SMAD2: variants seen among roughly 807,000 people sequenced by gnomAD.
SMAD2 encodes the protein MAD homolog 2.
In SMAD2, 8 loss-of-function variants were observed where a neutral mutation model predicts 64.4. That is an observed-to-expected ratio of 0.12 (90% CI 0.07 to 0.22). The LOEUF is 0.22. Ranked by LOEUF, SMAD2 falls within the 10% of genes least tolerant of loss-of-function variation. The pLI is 1.00. For missense variants in SMAD2, 289 were observed against 561.2 expected, an observed-to-expected ratio of 0.51 and a Z score of 4.90; for synonymous variants, 203 against 195.8, an observed-to-expected ratio of 1.04 and a Z score of -0.31.
In SMAD2 at chr18:47,832,507, G is replaced by A. The variant is rs1201776090; in HGVS notation, c.*9320C>T. The stretch of plus-strand genomic sequence containing the variant: ...TTAGCATTTGAGGTCCCTTTTTGTT[G>A]CATACTAAAGCATGTTTAAAATGGT... On this transcript the variant is annotated 3_prime_UTR_variant, in exon 11 of 11. Transcript: ENST00000262160. The A allele has an allele frequency of 6.6e-6, 1 of 152,116 alleles. No individual in the cohort carries two copies. Among genetic ancestry groups the A allele is most frequent in the Non-Finnish European group, 1.5e-5 (1 of 68,014 alleles). The allele number at this position is 152,116 out of a possible 1,614,324, so 9.4% of individuals were successfully genotyped here. A position where few individuals can be genotyped will look rare whatever the true frequency, so the allele number is the denominator to read the frequency against.
intron 2 of SMAD2, among the ~76,000 whole-genome samples, chr18:47,874,417 G>C (rs905533741): frequency 2.0e-5 from 3 of 152,136 alleles, no homozygotes; most frequent in Non-Finnish European, 2.9e-5. Flanking sequence ...CGCTAGGAAA[G>C]AGTATGAAAG....
intron 2 of SMAD2, among the ~76,000 whole-genome samples, chr18:47,884,520 A>G (rs886988024): frequency 5.3e-5 from 8 of 152,238 alleles, no homozygotes. Flanking sequence ...CTAAAACAAT[A>G]AAACTGGTAT....
intron 2 of SMAD2, among the ~76,000 whole-genome samples, chr18:47,891,099 G>A (rs945622502): frequency 8.5e-5 from 13 of 152,160 alleles, no homozygotes; most frequent in Admixed American, 2.0e-4. Flanking sequence ...GAGGTCAGGA[G>A]TTCGAAACCA....
Position 47,837,704 on chromosome 18 carries a change from G to T in SMAD2, c.*4123C>A. The T allele has an allele frequency of 4.3e-6, 1 of 232,408 alleles. No homozygotes were observed. Among genetic ancestry groups the T allele is most frequent in the Non-Finnish European group, 8.5e-6 (1 of 117,512 alleles). 14.4% of individuals were successfully genotyped at this position (232,408 alleles called of 1,614,324 possible). ...ATAGATTTAGCAAAGTAAAGCATAT[G>T]AAAGGAAGAAATGTTTGATATGTCT... On this transcript the variant is annotated 3_prime_UTR_variant, in exon 11 of 11. Coordinates refer to ENST00000262160, the MANE Select transcript of SMAD2 (RefSeq NM_005901.6).
chr18:47,874,383 A>T (rs1429000122), intron 2 of SMAD2, among the ~76,000 whole-genome samples: 1 of 152,190 alleles, frequency 6.6e-6, no homozygotes, highest in Non-Finnish European at 1.5e-5. Flanking sequence ...AGTGAAAAAC[A>T]ACAGTAATTG....
chr18:47,845,821 G>A (rs760882392), intron 8 of SMAD2, 21 bp from the exon 9 acceptor site: 106 of 1,609,616 alleles, frequency 6.6e-5, no homozygotes, highest in Non-Finnish European at 8.8e-5. Flanking sequence ...ATACAAATGA[G>A]ATTAGTTTTG....
At chr18:47,860,032 G>A (rs999878628) in intron 6 of SMAD2, among the ~76,000 whole-genome samples, 1 of 152,052 alleles carries the variant, frequency 6.6e-6, no homozygotes, top group Non-Finnish European at 1.5e-5. Flanking sequence ...CTTCTCGAGA[G>A]GCTAAAGTGG....
At chr18:47,894,203 T>C (rs554506624) in intron 2 of SMAD2, among the ~76,000 whole-genome samples, 1 of 152,318 alleles carries the variant, frequency 6.6e-6, no homozygotes, top group Admixed American at 6.5e-5. Flanking sequence ...TTGAGCCTTG[T>C]TGAAGTTGTG....
chr18:47,873,635 A>C (rs1438282658), intron 2 of SMAD2, among the ~76,000 whole-genome samples: 1 of 152,238 alleles, frequency 6.6e-6, no homozygotes, highest in Non-Finnish European at 1.5e-5. Context: ...GAGCAGCCTC[A>C]ATTAGGCTAA....
chr18:47,886,056 A>G (rs937427900), intron 2 of SMAD2, among the ~76,000 whole-genome samples: 1 of 152,212 alleles, frequency 6.6e-6, no homozygotes, highest in Non-Finnish European at 1.5e-5. Context: ...AGCGTCTCCA[A>G]ATTTTGGAGA....
intron 2 of SMAD2, among the ~76,000 whole-genome samples, chr18:47,879,923 T>C (rs1300753239): frequency 6.6e-6 from 1 of 152,148 alleles, no homozygotes; most frequent in Non-Finnish European, 1.5e-5. Context: ...CAATTGTCAT[T>C]TTCCTGAAGC....
intron 1 of SMAD2, among the ~76,000 whole-genome samples, chr18:47,921,777 G>T (rs1316264509): frequency 6.6e-6 from 1 of 152,152 alleles, no homozygotes; most frequent in Non-Finnish European, 1.5e-5. Context: ...AAAGTTGACT[G>T]ATTTTTCTAA....
At position 47,832,058 on chromosome 18, in the gene SMAD2, A is replaced by G. The variant is rs1913017859; in HGVS notation, c.*9769T>C. ...TTACATTGGATGACATCAGTTTGAT[A>G]CTGATGCCTGCTTCCTGCACTAAGA... On this transcript the variant is annotated 3_prime_UTR_variant, in exon 11 of 11. Coordinates refer to ENST00000262160, the MANE Select transcript of SMAD2 (RefSeq NM_005901.6). 6.6e-6 allele frequency: 1 copy of G among 152,218 alleles called. No homozygotes were observed. The highest frequency in any genetic ancestry group is 1.5e-5 in the Non-Finnish European group (1 of 68,040). 9.4% of individuals were successfully genotyped at this position (152,218 alleles called of 1,614,324 possible).
chr18:47,841,597 T>C lies in SMAD2; in HGVS notation c.*230A>G. The C allele has an allele frequency of 1.8e-6, 1 of 561,752 alleles. No homozygotes were observed. Among genetic ancestry groups the C allele is most frequent in the Non-Finnish European group, 3.2e-6 (1 of 313,754 alleles). 34.8% of individuals were successfully genotyped at this position (561,752 alleles called of 1,614,324 possible). Reference sequence around the variant, plus strand: ...GCCCAATAAGACATCATTAAGTCTTTAAAATCTTCTCTTCCTCTTTAATGG... The same window carrying C: ...GCCCAATAAGACATCATTAAGTCTTCAAAATCTTCTCTTCCTCTTTAATGG... On this transcript the variant is annotated 3_prime_UTR_variant, in exon 11 of 11. Coordinates refer to ENST00000262160, the MANE Select transcript of SMAD2 (RefSeq NM_005901.6).
chr18:47,857,047 C>T (rs1045649255), intron 6 of SMAD2, among the ~76,000 whole-genome samples: 2 of 151,640 alleles, frequency 1.3e-5, no homozygotes, highest in Non-Finnish European at 2.9e-5. Context: ...TTAGTAGAGA[C>T]GGGGTTTCAC....
intron 2 of SMAD2, 31 bp downstream of exon 2, chr18:47,896,490 T>TA: frequency 6.2e-7 from 1 of 1,611,048 alleles, no homozygotes; most frequent in Non-Finnish European, 8.5e-7. Flanking sequence ...TTGACATAAT[T>TA]TGATCAAACC....
At position 47,851,341 on chromosome 18, in the gene SMAD2, A is replaced by T. The variant is rs1429217224; in HGVS notation, c.731-14T>A. On this transcript the variant is annotated splice_polypyrimidine_tract_variant and intron_variant, in intron 6 of 10. Coordinates refer to ENST00000262160, the MANE Select transcript of SMAD2 (RefSeq NM_005901.6). Reference sequence around the variant, plus strand: ...CTGCTGGAGAGCCTAAAACAAAAGGATTTAAAAATAAATGAAGTATTTCCA... The same window carrying T: ...CTGCTGGAGAGCCTAAAACAAAAGGTTTTAAAAATAAATGAAGTATTTCCA... 1.3e-6 allele frequency: 2 copies of T among 1,579,860 alleles called. No homozygotes were observed. The highest frequency in any genetic ancestry group is 1.7e-5 in the Admixed American group (1 of 59,908).
intron 1 of SMAD2, among the ~76,000 whole-genome samples, chr18:47,920,931 A>T (rs2034534679): frequency 6.6e-6 from 1 of 152,208 alleles, no homozygotes; most frequent in Non-Finnish European, 1.5e-5. Context: ...GTGGCAGGCA[A>T]ATCGCTTGAG....
intron 2 of SMAD2, among the ~76,000 whole-genome samples, chr18:47,882,726 C>T (rs1400224465): frequency 6.6e-6 from 1 of 152,238 alleles, no homozygotes; most frequent in African/African-American, 2.4e-5. Flanking sequence ...CTTAAATTTA[C>T]CAGTAAAACC....
Sources: allele counts gnomAD v4.1 joint callset (sites outside exome capture counted in the v4.1 genomes callset), GRCh38; gene constraint gnomAD v4.1.1; transcripts MANE v1.5; gene names NCBI Gene and HGNC (gene_info 2026-07-23, HGNC 2026-07-21).